COQ5: variants seen among roughly 807,000 people sequenced by gnomAD.
The protein encoded by COQ5 is 2-methoxy-6-polyprenyl-1,4-benzoquinol methylase, mitochondrial.
Under a neutral mutation model 40.5 loss-of-function variants are expected in COQ5, and 27 were observed. That is an observed-to-expected ratio of 0.67 (90% CI 0.49 to 0.92). The LOEUF is 0.92. Ranked by LOEUF, COQ5 falls within the 40% of genes least tolerant of loss-of-function variation. COQ5 has a pLI of 0.00. For missense variants in COQ5, 409 were observed against 406.4 expected, an observed-to-expected ratio of 1.01 and a Z score of -0.06; for synonymous variants, 141 against 150.0, an observed-to-expected ratio of 0.94 and a Z score of 0.44.
At chr12:120,515,593 A>G (rs1431905643) in intron 3 of COQ5, among the ~76,000 whole-genome samples, 1 of 152,134 alleles carries the variant, frequency 6.6e-6, no homozygotes, top group Non-Finnish European at 1.5e-5. Context: ...GGAGTATAAT[A>G]ATTTTTTGTG....
intron 1 of COQ5, chr12:120,523,267 G>A (rs1869766043): frequency 1.0e-5 from 2 of 200,020 alleles, no homozygotes; most frequent in Non-Finnish European, 2.0e-5. Context: ...AACCTGGGAG[G>A]TGGAGCTTGC....
intron 4 of COQ5, among the ~76,000 whole-genome samples, chr12:120,506,037 T>C (rs1236342127): frequency 6.6e-6 from 1 of 151,934 alleles, no homozygotes. Flanking sequence ...GTGTTTTTAG[T>C]AGAAAAAGGG....
At chr12:120,521,960 G>GC (rs1336625022) in intron 2 of COQ5, among the ~76,000 whole-genome samples, 3 of 151,908 alleles carry the variant, frequency 2.0e-5, no homozygotes, top group African/African-American at 7.3e-5. Context: ...TTGAGACACT[G>GC]CATGCCAGCC....
At chr12:120,522,785 C>T (rs1473572285) in intron 1 of COQ5, 2 of 662,216 alleles carry the variant, frequency 3.0e-6, no homozygotes, top group Non-Finnish European at 5.4e-6. Flanking sequence ...CTTGGCAATG[C>T]AGGAATGAGC....
chr12:120,513,082 G>A (rs1869211638), intron 3 of COQ5, among the ~76,000 whole-genome samples: 1 of 149,678 alleles, frequency 6.7e-6, no homozygotes, highest in East Asian at 2.0e-4. Flanking sequence ...TTACAGGTGT[G>A]AGCCACAGCA....
Position 120,522,381 on chromosome 12 carries a change from C to CA in COQ5, c.203-19dup. 2 of 1,611,520 alleles carry CA rather than the reference C, an allele frequency of 1.2e-6. No homozygotes were observed. Among genetic ancestry groups the CA allele is most frequent in the Non-Finnish European group, 8.5e-7 (1 of 1,177,666 alleles). The stretch of plus-strand genomic sequence containing the variant: ...CTGATAGACTGACATGGGAGAAACA[C>CA]ACACAATAGTGCTATTAACAGAATT... On this transcript the variant is annotated intron_variant, in intron 1 of 6. Coordinates refer to ENST00000288532, the MANE Select transcript of COQ5 (RefSeq NM_032314.4).
At chr12:120,504,712 G>A (rs1868803044) in intron 5 of COQ5, 183 bp downstream of exon 5, 2 of 641,316 alleles carry the variant, frequency 3.1e-6, no homozygotes, top group Admixed American at 2.4e-5. Flanking sequence ...ATATACATAT[G>A]TAAGCCAACT....
Position 120,521,625 on chromosome 12 carries a change from G to A in COQ5, c.352+589C>T, listed in dbSNP as rs549473255. 6.8e-5 allele frequency among the ~76,000 whole-genome samples: 10 copies of A among 147,614 alleles called. No homozygotes were observed. The East Asian group carries it at 1.2e-3, about 18-fold the overall frequency. On this transcript the variant is annotated intron_variant, in intron 2 of 6. Coordinates refer to ENST00000288532, the MANE Select transcript of COQ5 (RefSeq NM_032314.4). ...CGGAGGTGGAGGTTGCAGTGGAGCC[G>A]AGATTGCACCGCTGCTGCACTGCAG... is the stretch of plus-strand genomic sequence containing the variant.
chr12:120,517,602 A>C (rs570388570), intron 2 of COQ5, among the ~76,000 whole-genome samples: 1 of 150,222 alleles, frequency 6.7e-6, no homozygotes, highest in Admixed American at 6.6e-5. Context: ...GAATGGCATG[A>C]ACCCAGGAGG....
chr12:120,522,528 T>G, intron 1 of COQ5, 165 bp from the exon 2 acceptor site: 1 of 680,550 alleles, frequency 1.5e-6, no homozygotes, highest in Non-Finnish European at 2.6e-6. Flanking sequence ...CATTACCTCT[T>G]TATTGATTTA....
chr12:120,522,842 C>A, intron 1 of COQ5: 1 of 691,798 alleles, frequency 1.4e-6, no homozygotes, highest in Non-Finnish European at 2.6e-6. Flanking sequence ...GTGGATCGAG[C>A]TTGCGGCTGA....
chr12:120,513,941 A>G (rs1348478319), intron 3 of COQ5, among the ~76,000 whole-genome samples: 1 of 152,196 alleles, frequency 6.6e-6, no homozygotes, highest in African/African-American at 2.4e-5. Context: ...GGAAAGATAA[A>G]TCTGTACTAT....
At chr12:120,528,842 A>T in intron 1 of COQ5, 98 bp downstream of exon 1, 2 of 1,131,300 alleles carry the variant, frequency 1.8e-6, no homozygotes, top group Non-Finnish European at 2.7e-6. Context: ...AGACAACAAC[A>T]CTGGAACTAA....
chr12:120,524,813 C>CT (rs60750755), intron 1 of COQ5, among the ~76,000 whole-genome samples: 50 of 146,458 alleles, frequency 3.4e-4, no homozygotes, highest in African/African-American at 6.7e-4. Flanking sequence ...GCGCTCTTTC[C>CT]TTTTTTTTTT....
chr12:120,526,916 C>G (rs572190876), intron 1 of COQ5: 1 of 156,812 alleles, frequency 6.4e-6, no homozygotes. Context: ...GGAGTTTCAC[C>G]GTGTTAGCCA....
intron 1 of COQ5, among the ~76,000 whole-genome samples, chr12:120,524,463 T>G (rs529772639): frequency 3.1e-4 from 47 of 152,092 alleles, no homozygotes; most frequent in Non-Finnish European, 5.3e-4. Flanking sequence ...GGTTTCACCA[T>G]GCTAGCCAGG....
At chr12:120,507,949 A>G (rs571632138) in intron 4 of COQ5, among the ~76,000 whole-genome samples, 28 of 152,042 alleles carry the variant, frequency 1.8e-4, no homozygotes, top group African/African-American at 6.3e-4. Flanking sequence ...ATGTACTTAC[A>G]AGGAAAAATC....
chr12:120,508,694 A>G (rs1362889408), intron 4 of COQ5, among the ~76,000 whole-genome samples: 1 of 152,218 alleles, frequency 6.6e-6, no homozygotes, highest in Admixed American at 6.5e-5. Flanking sequence ...AGATTGTCAC[A>G]TATAACCTTT....
chr12:120,512,117 G>A (rs1352787227), intron 3 of COQ5, among the ~76,000 whole-genome samples: 1 of 152,160 alleles, frequency 6.6e-6, no homozygotes, highest in East Asian at 1.9e-4. Flanking sequence ...GGCTGAGGCA[G>A]GAGAATGGTG....
Sources: allele counts gnomAD v4.1 joint callset (sites outside exome capture counted in the v4.1 genomes callset), GRCh38; gene constraint gnomAD v4.1.1; transcripts MANE v1.5; gene names NCBI Gene and HGNC (gene_info 2026-07-23, HGNC 2026-07-21).